Variants in BLTP3A observed in about 807,000 individuals in gnomAD.
BLTP3A encodes the protein bridge-like lipid transfer protein family member 3A.
the BLTP3A span, among the ~76,000 whole-genome samples, chr6:34,819,311 C>A: frequency 0.031 from 3,939 of 128,880 alleles, 79 homozygotes; most frequent in Middle Eastern, 0.068. Flanking sequence ...CCCCTCCCCC[C>A]ACCCCACCAC....
At chr6:34,863,059 T>C in the BLTP3A span, among the ~76,000 whole-genome samples, 32 of 152,026 alleles carry the variant, frequency 2.1e-4, no homozygotes, top group East Asian at 6.1e-3. Flanking sequence ...GCGCGCACCA[T>C]CATGCCTGGC....
chr6:34,821,546 A>G, the BLTP3A span: 3 of 1,113,858 alleles, frequency 2.7e-6, no homozygotes, highest in Non-Finnish European at 3.8e-6. Context: ...GCCTTAACAA[A>G]TGTTCTTTAA....
At chr6:34,803,394 C>T in the BLTP3A span, among the ~76,000 whole-genome samples, 1 of 152,130 alleles carries the variant, frequency 6.6e-6, no homozygotes, top group African/African-American at 2.4e-5. Context: ...TCTCTCTTCT[C>T]ATGCCCCCAG....
the BLTP3A span, chr6:34,821,859 G>A: frequency 1.2e-6 from 2 of 1,613,978 alleles, no homozygotes; most frequent in African/African-American, 2.7e-5. Context: ...TTGGCCAGTA[G>A]GCCTGCTTTC....
the BLTP3A span, among the ~76,000 whole-genome samples, chr6:34,804,874 T>A: frequency 3.1e-4 from 47 of 152,344 alleles, no homozygotes; most frequent in African/African-American, 1.1e-3. Flanking sequence ...ATCTTAGCTC[T>A]GTTGATTACT....
At chr6:34,805,952 T>G in the BLTP3A span, among the ~76,000 whole-genome samples, 2 of 152,102 alleles carry the variant, frequency 1.3e-5, no homozygotes, top group African/African-American at 4.8e-5. Flanking sequence ...TTTAAGCACT[T>G]TGCACACCTA....
the BLTP3A span, chr6:34,863,972 T>C: frequency 1.0e-5 from 16 of 1,554,036 alleles, no homozygotes; most frequent in African/African-American, 1.4e-5. Flanking sequence ...CAAAGCCACA[T>C]TTGTGGTTTT....
chr6:34,831,380 G>A, the BLTP3A span, among the ~76,000 whole-genome samples: 3 of 151,972 alleles, frequency 2.0e-5, no homozygotes, highest in Non-Finnish European at 4.4e-5. Flanking sequence ...CACCCGCCTC[G>A]GCCTCCCAAA....
chr6:34,840,865 G>A, the BLTP3A span, among the ~76,000 whole-genome samples: 1 of 152,014 alleles, frequency 6.6e-6, no homozygotes, highest in Non-Finnish European at 1.5e-5. Flanking sequence ...ATCCGCCTTG[G>A]CCTCCCAAAG....
chr6:34,830,313 G>A, the BLTP3A span, among the ~76,000 whole-genome samples: 1,284 of 152,052 alleles, frequency 8.4e-3, 19 homozygotes, highest in African/African-American at 0.027. Context: ...AGCCGGCTGG[G>A]TGTGGTGACT....
chr6:34,875,291 C>T, the BLTP3A span: 1 of 152,388 alleles, frequency 6.6e-6, no homozygotes, highest in African/African-American at 2.4e-5. Flanking sequence ...GAATGTTGAT[C>T]TGAATGGATC....
the BLTP3A span, among the ~76,000 whole-genome samples, chr6:34,845,284 T>A: frequency 6.6e-6 from 1 of 152,220 alleles, no homozygotes; most frequent in Non-Finnish European, 1.5e-5. Flanking sequence ...TCAGGTAACG[T>A]GATTCCTCCA....
the BLTP3A span, chr6:34,859,481 A>G: frequency 6.2e-7 from 1 of 1,614,184 alleles, no homozygotes; most frequent in Non-Finnish European, 8.5e-7. Context: ...CTCACCAAGG[A>G]AGCTGTGTCC....
chr6:34,867,335 A>G, the BLTP3A span: 233 of 1,614,076 alleles, frequency 1.4e-4, no homozygotes, highest in Middle Eastern at 6.6e-4. Context: ...ACCAGCAGCC[A>G]ACAGTTCAGT....
the BLTP3A span, chr6:34,876,178 A>G: frequency 6.6e-6 from 1 of 152,618 alleles, no homozygotes. Context: ...GGAATAATTA[A>G]TCTGGTGTTC....
chr6:34,871,691 C>T, the BLTP3A span: 15 of 1,614,032 alleles, frequency 9.3e-6, no homozygotes, highest in Middle Eastern at 1.6e-4. Context: ...TCCACATAGG[C>T]GGTGAGTCAG....
At chr6:34,823,110 C>T in the BLTP3A span, 2 of 640,932 alleles carry the variant, frequency 3.1e-6, no homozygotes, top group Non-Finnish European at 2.8e-6. Context: ...TTCATTCATT[C>T]ACTCAGTAAA....
the BLTP3A span, chr6:34,859,213 G>A: frequency 2.5e-6 from 4 of 1,614,006 alleles, no homozygotes; most frequent in African/African-American, 4.0e-5. Flanking sequence ...TAGCAATGGA[G>A]AACTGCAGGA....
At chr6:34,830,183 G>T in the BLTP3A span, among the ~76,000 whole-genome samples, 1 of 151,958 alleles carries the variant, frequency 6.6e-6, no homozygotes, top group African/African-American at 2.4e-5. Flanking sequence ...TCTCATCCTG[G>T]TCTCAGGTGA....
Sources: allele counts gnomAD v4.1 joint callset (sites outside exome capture counted in the v4.1 genomes callset), GRCh38; gene constraint gnomAD v4.1.1; transcripts MANE v1.5; gene names NCBI Gene and HGNC (gene_info 2026-07-23, HGNC 2026-07-21).